HEBP1: variants seen among roughly 807,000 people sequenced by gnomAD.
HEBP1 encodes heme binding protein 1.
HEBP1 carries 13 observed loss-of-function variants against 20.4 expected under a neutral mutation model. That is an observed-to-expected ratio of 0.64 (90% CI 0.42 to 1.01). The LOEUF (loss-of-function observed/expected upper bound fraction) is 1.01. Among genes scored for constraint, HEBP1 ranks in the 50% least tolerant of loss-of-function variants. The probability of loss-of-function intolerance (pLI) is 0.00; values close to 1 mark genes in which losing one functional copy is unlikely to be tolerated. For synonymous variants in HEBP1, 92 were observed against 90.7 expected, an observed-to-expected ratio of 1.01 and a Z score of -0.08; for missense variants, 241 against 247.3, an observed-to-expected ratio of 0.97 and a Z score of 0.17.
chr12:12,981,831 G>C (rs1415271661), intron 3 of HEBP1, among the ~76,000 whole-genome samples: 7 of 152,170 alleles, frequency 4.6e-5, no homozygotes, highest in Admixed American at 4.6e-4. Context: ...AAGACATTCA[G>C]GGGAGACAGA....
intron 2 of HEBP1, among the ~76,000 whole-genome samples, chr12:12,987,612 T>TCTCTCTCTCTCTCTCTCTCTC (rs1230851526): frequency 7.6e-5 from 9 of 117,838 alleles, no homozygotes; most frequent in African/African-American, 2.8e-4. Flanking sequence ...CTCTCTCTCT[T>TCTCTCTCTCTCTCTCTCTCTC]TCTCTCTCTC....
In HEBP1 at chr12:13,000,191, C is replaced by A. The variant is rs2136555702; in HGVS notation, c.-77G>T. 2 of 576,722 alleles carry A rather than the reference C, an allele frequency of 3.5e-6. No individual in the cohort carries two copies. The highest frequency in any genetic ancestry group is 3.2e-4 in the Middle Eastern group (1 of 3,168). The allele number at this position is 576,722 out of a possible 1,614,324, so 35.7% of individuals were successfully genotyped here. On this transcript the variant is annotated 5_prime_UTR_variant, in exon 1 of 4. Transcript: ENST00000014930. The stretch of plus-strand genomic sequence containing the variant: ...GACGGAGCACCACGGGCAGCGACCA[C>A]CGGCGGCAGGGCGGCAGGGCGGCAG...
At chr12:12,997,076 A>T (rs984212720) in intron 1 of HEBP1, among the ~76,000 whole-genome samples, 2 of 152,214 alleles carry the variant, frequency 1.3e-5, no homozygotes, top group Admixed American at 1.3e-4. Context: ...CTGGAAATAG[A>T]TGGAAAAGAT....
intron 1 of HEBP1, among the ~76,000 whole-genome samples, chr12:12,999,415 G>A (rs1362125236): frequency 6.6e-6 from 1 of 152,194 alleles, no homozygotes; most frequent in African/African-American, 2.4e-5. Context: ...CGGTCGATCC[G>A]ATCACCAAGC....
At chr12:12,983,959 C>T (rs1864118538) in intron 3 of HEBP1, 1 of 314,054 alleles carries the variant, frequency 3.2e-6, no homozygotes, top group Non-Finnish European at 6.3e-6. Context: ...AACAAACCAA[C>T]TTGAAGAGGC....
chr12:12,991,977 T>G (rs975077978), intron 1 of HEBP1, among the ~76,000 whole-genome samples: 7 of 152,246 alleles, frequency 4.6e-5, no homozygotes, highest in African/African-American at 1.4e-4. Context: ...CAACAGATAT[T>G]TATTTGATTA....
intron 2 of HEBP1, among the ~76,000 whole-genome samples, chr12:12,987,612 T>TTTCTCTCTCTCTC (rs1555114947): frequency 8.5e-6 from 1 of 117,786 alleles, no homozygotes; most frequent in South Asian, 2.7e-4. Flanking sequence ...CTCTCTCTCT[T>TTTCTCTCTCTCTC]TCTCTCTCTC....
chr12:12,985,428 A>G (rs12300724), intron 3 of HEBP1, among the ~76,000 whole-genome samples: 46 of 152,282 alleles, frequency 3.0e-4, no homozygotes, highest in Admixed American at 1.1e-3. Context: ...ATATGATTTC[A>G]TGATCTTATA....
intron 3 of HEBP1, among the ~76,000 whole-genome samples, chr12:12,980,783 T>C (rs138793775): frequency 6.6e-6 from 1 of 152,376 alleles, no homozygotes; most frequent in Non-Finnish European, 1.5e-5. Flanking sequence ...AGGGCATTTT[T>C]ACTAGGCTTT....
chr12:12,991,174 A>C (rs1278646781), intron 1 of HEBP1, among the ~76,000 whole-genome samples: 13 of 152,354 alleles, frequency 8.5e-5, no homozygotes, highest in Admixed American at 8.5e-4. Flanking sequence ...TCTAGGCAGC[A>C]GGCAAGGTGA....
rs1565494420 is a variant in HEBP1 at position 12,993,160 on chromosome 12, TTC to T, written c.79-3747_79-3746del. ...CTCCCTCCCTCCCTTCCTTCCTTCCTTCCTTCCTCTCTCTCTCTCTCTTTCTT... is the reference window on the plus strand; with the variant it reads ...CTCCCTCCCTCCCTTCCTTCCTTCCTCTTCCTCTCTCTCTCTCTCTTTCTT... On this transcript the variant is annotated intron_variant, in intron 1 of 3. Coordinates refer to ENST00000014930, the MANE Select transcript of HEBP1 (RefSeq NM_015987.5). 6.3e-4 allele frequency among the ~76,000 whole-genome samples: 71 copies of T among 112,356 alleles called. No homozygotes were observed. In the South Asian group the frequency reaches 0.014, roughly 23 times the overall value. The allele number at this position is 112,356 out of a possible 152,430, so 73.7% of individuals were successfully genotyped here.
At chr12:12,990,167 T>C (rs547513275) in intron 1 of HEBP1, among the ~76,000 whole-genome samples, 1 of 151,140 alleles carries the variant, frequency 6.6e-6, no homozygotes, top group African/African-American at 2.4e-5. Flanking sequence ...CACACATGTA[T>C]TTTATTTATT....
chr12:12,988,517 A>G (rs1240837879), intron 2 of HEBP1, among the ~76,000 whole-genome samples: 1 of 152,180 alleles, frequency 6.6e-6, no homozygotes, highest in African/African-American at 2.4e-5. Flanking sequence ...AGGCTAACAC[A>G]CGTTTTTAGC....
At chr12:12,990,955 A>AC (rs1206183296) in intron 1 of HEBP1, among the ~76,000 whole-genome samples, 1 of 151,376 alleles carries the variant, frequency 6.6e-6, no homozygotes, top group Non-Finnish European at 1.5e-5. Flanking sequence ...CTAACTTGGC[A>AC]CCCCCCATGA....
In HEBP1 at chr12:12,983,762, G is replaced by T; in HGVS notation, c.398+3390C>A. The T allele has an allele frequency of 4.4e-6, 2 of 456,052 alleles. 1 individual carries two copies. Among genetic ancestry groups the T allele is most frequent in the South Asian group, 3.1e-5 (2 of 64,570 alleles). 28.3% of individuals were successfully genotyped at this position (456,052 alleles called of 1,614,324 possible). A position where few individuals can be genotyped will look rare whatever the true frequency, so the allele number is the denominator to read the frequency against. On this transcript the variant is annotated intron_variant, in intron 3 of 3. Coordinates refer to ENST00000014930, the MANE Select transcript of HEBP1 (RefSeq NM_015987.5). Reference sequence around the variant, plus strand: ...TGTTTAGATTTCAGAGAATTAAAAGGAAATGGTCACCGACCTGCCTTTGAT... The same window carrying T: ...TGTTTAGATTTCAGAGAATTAAAAGTAAATGGTCACCGACCTGCCTTTGAT...
At chr12:12,981,863 AC>A (rs1864087388) in intron 3 of HEBP1, among the ~76,000 whole-genome samples, 2 of 152,224 alleles carry the variant, frequency 1.3e-5, no homozygotes, top group Admixed American at 6.5e-5. Context: ...CTGGAAAGTT[AC>A]CAACACACTG....
rs1864285817 is a variant in HEBP1, at chr12:12,996,109, G to T, written c.78+3928C>A. ...CTAACAGAGTACTTTCTATTTGTCT[G>T]GTGTTATTTTAAATGCTTTACGTGG... On this transcript the variant is annotated intron_variant, in intron 1 of 3. Coordinates refer to ENST00000014930, the MANE Select transcript of HEBP1 (RefSeq NM_015987.5). The surrounding 1 kb of genome is among the most constrained non-coding windows in gnomAD (Gnocchi z 4.1). Among the ~76,000 whole-genome samples, 2 of 152,238 alleles carry T rather than the reference G, an allele frequency of 1.3e-5. No individual in the cohort carries two copies. The highest frequency in any genetic ancestry group is 4.2e-4 in the South Asian group (2 of 4,816).
At chr12:12,977,586 A>G (rs1034854009) in intron 3 of HEBP1, 1 of 152,248 alleles carries the variant, frequency 6.6e-6, no homozygotes, top group Admixed American at 6.5e-5. Context: ...TCCTGTCTCC[A>G]AAACAAAAAC....
chr12:12,987,244 G>T lies in HEBP1; in HGVS notation c.306C>A (p.Phe102Leu), dbSNP rs1285531059. The T allele has an allele frequency of 6.2e-7, 1 of 1,614,084 alleles. No homozygotes were observed. The highest frequency in any genetic ancestry group is 8.5e-7 in the Non-Finnish European group (1 of 1,179,996). ...CGCTTTGAAATTGGTTTGGAATCCG[G>T]AACCAGACTTTTAATTTCTTCTGCA... ...GSLQKKLKVWFRIPNQFQSDP... is the reference protein window; with the variant it reads ...GSLQKKLKVWLRIPNQFQSDP... Residue 102 changes from phenylalanine (F) to leucine (L), a missense_variant, in exon 3 of 4, where the codon TTC becomes TTA. Transcript: ENST00000014930.
Sources: allele counts gnomAD v4.1 joint callset (sites outside exome capture counted in the v4.1 genomes callset), GRCh38; gene constraint gnomAD v4.1.1; non-coding constraint Gnocchi (gnomAD v3.1); transcripts MANE v1.5; gene names NCBI Gene and HGNC (gene_info 2026-07-23, HGNC 2026-07-21).